Variants in RBMS3 observed in about 807,000 individuals in gnomAD.
RBMS3 encodes the protein RNA-binding motif, single-stranded-interacting protein 3.
RBMS3 carries 27 observed loss-of-function variants against 66.8 expected under a neutral mutation model. The observed-to-expected ratio is 0.40, with a 90% confidence interval of 0.30 to 0.56. RBMS3 has a LOEUF of 0.56. RBMS3 is among the 20% of genes least tolerant of loss of function. The pLI is 0.40. For missense variants in RBMS3, 513 were observed against 549.5 expected, an observed-to-expected ratio of 0.93 and a Z score of 0.66; for synonymous variants, 188 against 183.0, an observed-to-expected ratio of 1.03 and a Z score of -0.22.
intron 4 of RBMS3, chr3:29,696,845 A>T: frequency 1.7e-6 from 1 of 597,028 alleles, no homozygotes; most frequent in African/African-American, 2.0e-5. Flanking sequence ...TAGGGTACAC[A>T]TCTTAGAGTC....
At chr3:29,672,414 T>G (rs1041684998) in intron 4 of RBMS3, among the ~76,000 whole-genome samples, 3 of 152,264 alleles carry the variant, frequency 2.0e-5, no homozygotes, top group African/African-American at 4.8e-5. Context: ...TCATAATGAC[T>G]GGATCAAATT....
chr3:29,578,790 C>CTTTTTTTTTTTTT lies in RBMS3; in HGVS notation c.308-8314_308-8302dup, dbSNP rs1185861167. 6.1e-3 allele frequency among the ~76,000 whole-genome samples: 613 copies of CTTTTTTTTTTTTT among 101,012 alleles called. 33 individuals carry two copies. The highest frequency in any genetic ancestry group is 7.4e-3 in the Admixed American group (67 of 9,108). The allele number at this position is 101,012 out of a possible 152,430, so 66.3% of individuals were successfully genotyped here. On this transcript the variant is annotated intron_variant, in intron 3 of 14. Coordinates refer to ENST00000383767, the MANE Select transcript of RBMS3 (RefSeq NM_001003793.3). Reference sequence around the variant, plus strand: ...AAAGAATCACAGGTAATACATGCTTCTTTTTTTTTTTTTTTTTTTTTTGAG... The same window carrying CTTTTTTTTTTTTT: ...AAAGAATCACAGGTAATACATGCTTCTTTTTTTTTTTTTTTTTTTTTTTTTTTTTTTTTTTGAG...
intron 10 of RBMS3, among the ~76,000 whole-genome samples, chr3:29,916,458 A>G (rs1037966565): frequency 2.2e-4 from 34 of 151,972 alleles, no homozygotes; most frequent in African/African-American, 7.7e-4. Context: ...GAAATCAGCT[A>G]GATATTCCTT....
intron 3 of RBMS3, among the ~76,000 whole-genome samples, chr3:29,582,423 T>C (rs2047364843): frequency 6.6e-6 from 1 of 152,172 alleles, no homozygotes; most frequent in Non-Finnish European, 1.5e-5. Flanking sequence ...CTTCTCCCCC[T>C]GACAAGGAAG....
At chr3:29,550,035 C>T (rs2046127974) in intron 3 of RBMS3, among the ~76,000 whole-genome samples, 1 of 152,150 alleles carries the variant, frequency 6.6e-6, no homozygotes, top group Non-Finnish European at 1.5e-5. Flanking sequence ...TCCAAACATT[C>T]ACTGCTTCTC....
chr3:29,782,607 T>C (rs143848757), intron 6 of RBMS3, among the ~76,000 whole-genome samples: 4 of 152,276 alleles, frequency 2.6e-5, no homozygotes, highest in African/African-American at 9.6e-5. Flanking sequence ...ATTTTGGTAA[T>C]ATGACAAAAC....
chr3:29,960,790 C>T (rs1696380863), intron 12 of RBMS3, among the ~76,000 whole-genome samples: 1 of 152,134 alleles, frequency 6.6e-6, no homozygotes, highest in South Asian at 2.1e-4. Context: ...TACCTTGGCC[C>T]CTTTCTAGCC....
chr3:29,517,138 A>G (rs2044658016), intron 3 of RBMS3, among the ~76,000 whole-genome samples: 1 of 151,956 alleles, frequency 6.6e-6, no homozygotes, highest in African/African-American at 2.4e-5. Flanking sequence ...ACCTGAGCCC[A>G]GGAAGTCAAG....
At chr3:29,618,008 A>T (rs2048726877) in intron 4 of RBMS3, among the ~76,000 whole-genome samples, 1 of 152,120 alleles carries the variant, frequency 6.6e-6, no homozygotes, top group South Asian at 2.1e-4. Flanking sequence ...AGAAGTAGGG[A>T]GGCTACATCC....
At chr3:29,451,790 C>A (rs1477372993) in intron 2 of RBMS3, among the ~76,000 whole-genome samples, 2 of 152,128 alleles carry the variant, frequency 1.3e-5, no homozygotes, top group African/African-American at 2.4e-5. Flanking sequence ...TCTTTGCTAG[C>A]CAGCTTAGAT....
chr3:29,292,084 C>T (rs926007789), intron 1 of RBMS3, among the ~76,000 whole-genome samples: 1 of 151,640 alleles, frequency 6.6e-6, no homozygotes, highest in Non-Finnish European at 1.5e-5. Flanking sequence ...CTCATAATCA[C>T]CCTATGTTTT....
chr3:29,746,810 A>G (rs2054919063), intron 5 of RBMS3, among the ~76,000 whole-genome samples: 1 of 152,254 alleles, frequency 6.6e-6, no homozygotes, highest in Admixed American at 6.5e-5. Flanking sequence ...ATATGCCTTT[A>G]TAAAAATCTA....
intron 10 of RBMS3, among the ~76,000 whole-genome samples, chr3:29,914,346 TAAAG>T: frequency 6.6e-6 from 1 of 151,978 alleles, no homozygotes; most frequent in Non-Finnish European, 1.5e-5. Flanking sequence ...CAAGGCCAGA[TAAAG>T]ATTTTCAATA....
intron 4 of RBMS3, among the ~76,000 whole-genome samples, chr3:29,717,266 A>G (rs1386622543): frequency 1.3e-5 from 2 of 152,090 alleles, no homozygotes; most frequent in Non-Finnish European, 2.9e-5. Context: ...CACTGTTACT[A>G]GAGTTACTTG....
At chr3:29,296,687 C>A (rs1348213696) in intron 1 of RBMS3, among the ~76,000 whole-genome samples, 1 of 151,738 alleles carries the variant, frequency 6.6e-6, no homozygotes, top group African/African-American at 2.4e-5. Flanking sequence ...GATGGGAGAT[C>A]ATAAAGTCTC....
chr3:29,646,602 C>T (rs2049930109), intron 4 of RBMS3, among the ~76,000 whole-genome samples: 1 of 149,962 alleles, frequency 6.7e-6, no homozygotes, highest in African/African-American at 2.4e-5. Context: ...AGTTTCTTAA[C>T]AATTTTTATG....
At chr3:29,798,590 G>T (rs1351037209) in intron 6 of RBMS3, among the ~76,000 whole-genome samples, 1 of 152,164 alleles carries the variant, frequency 6.6e-6, no homozygotes, top group Non-Finnish European at 1.5e-5. Flanking sequence ...GAATGGAATA[G>T]GAGGTGTTTC....
intron 4 of RBMS3, among the ~76,000 whole-genome samples, chr3:29,729,449 C>T (rs547825402): frequency 3.9e-5 from 6 of 152,032 alleles, no homozygotes; most frequent in Non-Finnish European, 7.4e-5. Context: ...AATAAACATA[C>T]GCGTGCATGT....
At chr3:29,654,786 CAG>C (rs1314457122) in intron 4 of RBMS3, among the ~76,000 whole-genome samples, 1 of 146,564 alleles carries the variant, frequency 6.8e-6, no homozygotes, top group African/African-American at 2.5e-5. Flanking sequence ...TTTGTAGAGA[CAG>C]AGTTTTACCA....
Sources: gnomAD v4.1 joint callset for allele counts (sites outside exome capture counted in the v4.1 genomes callset) on GRCh38, gnomAD v4.1.1 for gene constraint, MANE v1.5 for transcripts, NCBI Gene and HGNC (gene_info 2026-07-23, HGNC 2026-07-21) for gene names.